CADPS2: variants seen among roughly 807,000 people sequenced by gnomAD.
CADPS2 encodes calcium-dependent secretion activator 2.
CADPS2 carries 93 observed loss-of-function variants against 172.5 expected under a neutral mutation model. The observed-to-expected ratio is 0.54, with a 90% CI of 0.46 to 0.64. The LOEUF (loss-of-function observed/expected upper bound fraction) is 0.64. Among genes scored for constraint, CADPS2 ranks in the 30% least tolerant of loss-of-function variants. CADPS2 has a pLI of 0.00. For missense variants in CADPS2, 1,420 were observed against 1,565.9 expected, an observed-to-expected ratio of 0.91 and a Z score of 1.57; for synonymous variants, 546 against 555.2, an observed-to-expected ratio of 0.98 and a Z score of 0.23.
At chr7:122,454,309 C>T (rs1213548309) in intron 14 of CADPS2, among the ~76,000 whole-genome samples, 1 of 148,714 alleles carries the variant, frequency 6.7e-6, no homozygotes, top group Non-Finnish European at 1.5e-5. Flanking sequence ...GAGAAGGCTG[C>T]TGAGGCTCAG....
chr7:122,376,067 C>A (rs1279682499), intron 25 of CADPS2, among the ~76,000 whole-genome samples: 1 of 152,040 alleles, frequency 6.6e-6, no homozygotes, highest in East Asian at 1.9e-4. Flanking sequence ...TGGCTATTAT[C>A]AACAACCCAA....
At chr7:122,856,200 G>T (rs183900805) in intron 1 of CADPS2, among the ~76,000 whole-genome samples, 2 of 152,308 alleles carry the variant, frequency 1.3e-5, no homozygotes, top group African/African-American at 4.8e-5. Context: ...TGTGAAGTAA[G>T]CCCAGTGGTT....
intron 18 of CADPS2, among the ~76,000 whole-genome samples, chr7:122,415,526 G>A (rs368907972): frequency 4.0e-5 from 6 of 149,062 alleles, no homozygotes; most frequent in African/African-American, 1.5e-4. Context: ...ATGGAATTAT[G>A]AGAGAAATAG....
intron 3 of CADPS2, among the ~76,000 whole-genome samples, chr7:122,652,648 C>CA (rs2079289412): frequency 6.6e-6 from 1 of 151,946 alleles, no homozygotes; most frequent in Non-Finnish European, 1.5e-5. Context: ...ACTGTTATGC[C>CA]ACTCATTTTA....
chr7:122,577,262 C>G (rs2068172114), intron 7 of CADPS2, among the ~76,000 whole-genome samples: 1 of 152,064 alleles, frequency 6.6e-6, no homozygotes, highest in Non-Finnish European at 1.5e-5. Context: ...TGAGAATGGG[C>G]TAATACTGCG....
At chr7:122,471,964 AAAAG>A (rs2056019694) in intron 13 of CADPS2, among the ~76,000 whole-genome samples, 1 of 152,230 alleles carries the variant, frequency 6.6e-6, no homozygotes, top group African/African-American at 2.4e-5. Flanking sequence ...AAAGTGAACT[AAAAG>A]AAAATGTCAT....
At chr7:122,644,014 G>A (rs34955892) in intron 3 of CADPS2, among the ~76,000 whole-genome samples, 6,139 of 152,094 alleles carry the variant, frequency 0.04, 196 homozygotes, top group Non-Finnish European at 0.049. Flanking sequence ...AGATTGCAGT[G>A]AGCCAAGATG....
At chr7:122,377,645 A>C (rs1283872608) in intron 25 of CADPS2, among the ~76,000 whole-genome samples, 2 of 152,026 alleles carry the variant, frequency 1.3e-5, no homozygotes, top group Non-Finnish European at 2.9e-5. Context: ...GTGGTGATGC[A>C]AGCTGCTGTG....
intron 6 of CADPS2, among the ~76,000 whole-genome samples, chr7:122,608,392 A>G (rs914888026): frequency 6.6e-6 from 1 of 152,318 alleles, no homozygotes; most frequent in East Asian, 1.9e-4. Flanking sequence ...ATCTTGGTTT[A>G]TATGCAGTCT....
chr7:122,612,406 A>T (rs188926874), intron 6 of CADPS2, among the ~76,000 whole-genome samples: 22 of 152,094 alleles, frequency 1.4e-4, no homozygotes, highest in Middle Eastern at 3.4e-3. Context: ...AACTTGAATG[A>T]TTTAAAGATA....
At chr7:122,574,888 G>T (rs1489589666) in intron 7 of CADPS2, among the ~76,000 whole-genome samples, 2 of 152,000 alleles carry the variant, frequency 1.3e-5, no homozygotes, top group Admixed American at 6.6e-5. Flanking sequence ...AATCAAAACA[G>T]AAAATGATAT....
At chr7:122,799,639 C>G (rs1444027660) in intron 1 of CADPS2, among the ~76,000 whole-genome samples, 1 of 149,844 alleles carries the variant, frequency 6.7e-6, no homozygotes, top group African/African-American at 2.5e-5. Flanking sequence ...GTATAGCTAT[C>G]TAGAATGCAA....
intron 20 of CADPS2, among the ~76,000 whole-genome samples, chr7:122,406,342 G>A (rs1253247638): frequency 6.6e-6 from 1 of 152,168 alleles, no homozygotes; most frequent in Admixed American, 6.5e-5. Context: ...TCTGGGATGA[G>A]AGCAGCAAAA....
At chr7:122,449,601 C>T (rs1319488873) in intron 15 of CADPS2, among the ~76,000 whole-genome samples, 6 of 152,152 alleles carry the variant, frequency 3.9e-5, no homozygotes, top group Non-Finnish European at 8.8e-5. Flanking sequence ...GTTTGAGCTA[C>T]CACACCTGGT....
At chr7:122,377,117 T>C in intron 25 of CADPS2, among the ~76,000 whole-genome samples, 1 of 152,270 alleles carries the variant, frequency 6.6e-6, no homozygotes, top group South Asian at 2.1e-4. Flanking sequence ...TTTCTAAATA[T>C]AATATCCAGT....
intron 20 of CADPS2, among the ~76,000 whole-genome samples, chr7:122,399,650 G>C (rs896226641): frequency 8.6e-5 from 11 of 127,552 alleles, no homozygotes; most frequent in African/African-American, 3.1e-4. Context: ...ACTCTCTCAA[G>C]GGTGGGTTTC....
chr7:122,837,672 A>T (rs893546408), intron 1 of CADPS2, among the ~76,000 whole-genome samples: 1 of 152,218 alleles, frequency 6.6e-6, no homozygotes, highest in African/African-American at 2.4e-5. Context: ...TAAACTAGAA[A>T]ATCTACAAGA....
At chr7:122,380,371 A>C (rs1361535989) in intron 24 of CADPS2, among the ~76,000 whole-genome samples, 1 of 152,154 alleles carries the variant, frequency 6.6e-6, no homozygotes, top group Non-Finnish European at 1.5e-5. Context: ...ACAGCTAACA[A>C]AATGCATAGA....
chr7:122,454,205 T>C (rs1182181018), intron 14 of CADPS2, among the ~76,000 whole-genome samples: 3 of 152,202 alleles, frequency 2.0e-5, no homozygotes, highest in East Asian at 1.9e-4. Flanking sequence ...TGAGCACTTA[T>C]AGAATTTTAA....
Sources: gnomAD v4.1 joint callset for allele counts (sites outside exome capture counted in the v4.1 genomes callset) on GRCh38, gnomAD v4.1.1 for gene constraint, MANE v1.5 for transcripts, NCBI Gene and HGNC (gene_info 2026-07-23, HGNC 2026-07-21) for gene names.